The following CCDC47 variants were observed in gnomAD, a reference collection of about 807,000 sequenced individuals.
CCDC47 encodes coiled-coil domain containing 47.
In CCDC47, 41 loss-of-function variants were observed where a neutral mutation model predicts 60.5. The observed-to-expected ratio is 0.68, with a 90% CI of 0.53 to 0.88. The LOEUF is 0.88. Ranked by LOEUF, CCDC47 falls within the 40% of genes least tolerant of loss-of-function variation. CCDC47 has a pLI of 0.00. For missense variants in CCDC47, 513 were observed against 580.9 expected (o/e 0.88, Z 1.20); for synonymous variants, 195 against 190.7 (o/e 1.02, Z -0.18).
At chr17:63,754,367 T>TA (rs2039189301) in intron 9 of CCDC47, 66 bp downstream of exon 9, 2 of 940,764 alleles carry the variant, frequency 2.1e-6, no homozygotes. Flanking sequence ...AGAAGCACCT[T>TA]ACAGGTGTTT....
chr17:63,762,140 A>G (rs1568250334), intron 4 of CCDC47: 1 of 984,686 alleles, frequency 1.0e-6, no homozygotes. Context: ...TTGTATTTTA[A>G]CTCTAGAAAA....
In CCDC47 at chr17:63,752,723, A is replaced by C. The variant is rs1251898254; in HGVS notation, c.1093+18T>G. The C allele has an allele frequency of 1.9e-6, 3 of 1,605,040 alleles. No individual in the cohort carries two copies. In the Admixed American group the frequency reaches 5.2e-5, roughly 28 times the overall value. Reference sequence around the variant, plus strand: ...CTCAGAGAAGACTAAGAACCCAGAAAGGACCCAGAATACTTACCATTAAAT... The same window carrying C: ...CTCAGAGAAGACTAAGAACCCAGAACGGACCCAGAATACTTACCATTAAAT... On this transcript the variant is annotated intron_variant, in intron 10 of 12. Coordinates refer to ENST00000225726, the MANE Select transcript of CCDC47 (RefSeq NM_020198.3).
chr17:63,763,780 C>T lies in CCDC47; in HGVS notation c.547+236G>A, dbSNP rs530442047. 2.3e-3 allele frequency among the ~76,000 whole-genome samples: 345 copies of T among 151,326 alleles called. 2 individuals are homozygous for T. The highest frequency in any genetic ancestry group is 7.4e-3 in the African/African-American group (307 of 41,250). On this transcript the variant is annotated intron_variant, in intron 4 of 12. Transcript: ENST00000225726. The stretch of plus-strand genomic sequence containing the variant: ...TGGAGGTTGCAGTGAGCCGAGATCG[C>T]GCCACTGCACTCCAGCCTGGTGACA...
At position 63,765,697 on chromosome 17, in the gene CCDC47, C is replaced by A. The variant is rs1358072033; in HGVS notation, c.264+215G>T. 5 of 1,372,638 alleles carry A rather than the reference C, an allele frequency of 3.6e-6. No homozygotes were observed. The South Asian group carries it at 8.9e-5, about 25-fold the overall frequency. The allele number at this position is 1,372,638 out of a possible 1,614,324, so 85.0% of individuals were successfully genotyped here. A position where few individuals can be genotyped will look rare whatever the true frequency, so the allele number is the denominator to read the frequency against. The stretch of plus-strand genomic sequence containing the variant: ...CCACAAACAGTATCTATTCTCTAAC[C>A]CCTCTTCCAGTCAGGGTTTCAATAG... On this transcript the variant is annotated intron_variant, in intron 2 of 12. Coordinates refer to ENST00000225726, the MANE Select transcript of CCDC47 (RefSeq NM_020198.3).
intron 9 of CCDC47, chr17:63,753,032 G>A (rs947049994): frequency 1.6e-6 from 1 of 623,848 alleles, no homozygotes; most frequent in African/African-American, 2.0e-5. Flanking sequence ...CACCTCCAGT[G>A]ATGTTCCCTC....
intron 8 of CCDC47, among the ~76,000 whole-genome samples, 168 bp from the exon 9 acceptor site, chr17:63,754,686 G>A (rs1598306364): frequency 6.6e-6 from 1 of 151,962 alleles, no homozygotes; most frequent in Admixed American, 6.6e-5. Context: ...TTTGAGATCA[G>A]CCTGGCCAAC....
intron 4 of CCDC47, chr17:63,762,242 AC>A (rs1314141226): frequency 1.0e-6 from 1 of 985,304 alleles, no homozygotes; most frequent in Non-Finnish European, 1.2e-6. Flanking sequence ...GGACTGATAC[AC>A]CAAATGAAAA....
At chr17:63,765,234 T>A (rs942970623) in intron 2 of CCDC47, among the ~76,000 whole-genome samples, 1 of 152,100 alleles carries the variant, frequency 6.6e-6, no homozygotes, top group East Asian at 1.9e-4. Context: ...CACTATGTTG[T>A]GCACCTTAAA....
intron 1 of CCDC47, chr17:63,767,057 G>C (rs747653399): frequency 5.6e-6 from 2 of 358,044 alleles, no homozygotes; most frequent in Non-Finnish European, 7.8e-6. Context: ...TCTAAGGAAA[G>C]CTGCAACATT....
chr17:63,759,418 G>A (rs2039232061), intron 6 of CCDC47, among the ~76,000 whole-genome samples: 1 of 143,472 alleles, frequency 7.0e-6, no homozygotes, highest in South Asian at 2.3e-4. Flanking sequence ...GAACCCTGGA[G>A]GCGGAGGTTG....
chr17:63,749,706 G>A (rs575459324), intron 12 of CCDC47, among the ~76,000 whole-genome samples: 8 of 151,380 alleles, frequency 5.3e-5, no homozygotes, highest in Non-Finnish European at 1.0e-4. Context: ...CTGAGATCGC[G>A]CCACTGCACT....
chr17:63,771,942 C>T (rs1197248738), intron 1 of CCDC47, among the ~76,000 whole-genome samples: 4 of 151,848 alleles, frequency 2.6e-5, no homozygotes, highest in African/African-American at 4.8e-5. Flanking sequence ...ATTAGCCGGG[C>T]GTGGTGGCAG....
intron 1 of CCDC47, among the ~76,000 whole-genome samples, chr17:63,771,762 T>G (rs2144503048): frequency 6.6e-6 from 1 of 152,288 alleles, no homozygotes; most frequent in East Asian, 1.9e-4. Flanking sequence ...CAGCACATAC[T>G]TTGGTGAAAT....
chr17:63,758,831 T>C (rs985236958), intron 6 of CCDC47, among the ~76,000 whole-genome samples: 2 of 152,142 alleles, frequency 1.3e-5, no homozygotes, highest in African/African-American at 4.8e-5. Flanking sequence ...GAAAACGTTT[T>C]CTGCTCTTCC....
chr17:63,759,504 AAAAAATATATATATATATATATTT>A (rs1904591480), intron 6 of CCDC47, among the ~76,000 whole-genome samples: 1 of 25,824 alleles, frequency 3.9e-5, no homozygotes, highest in Non-Finnish European at 5.7e-5. Context: ...AAAAAAAAAA[AAAAAATATATATATATATATATTT>A]ATATATATAT....
intron 4 of CCDC47, chr17:63,761,689 T>A: frequency 3.9e-6 from 1 of 259,082 alleles, no homozygotes; most frequent in Non-Finnish European, 5.3e-6. Context: ...AGAGCAAGAC[T>A]CTGTCTCAAA....
intron 10 of CCDC47, 111 bp from the exon 11 acceptor site, chr17:63,752,540 T>C: frequency 2.5e-6 from 2 of 798,096 alleles, no homozygotes; most frequent in South Asian, 4.5e-5. Context: ...CTAAGTTTGT[T>C]AGGCAGTTAA....
intron 12 of CCDC47, chr17:63,747,517 T>G (rs2039129887): frequency 1.0e-6 from 1 of 981,032 alleles, no homozygotes; most frequent in East Asian, 1.1e-4. Context: ...TATTTTTATT[T>G]AGGAATTAGG....
At chr17:63,747,002 G>A (rs774254635) in intron 12 of CCDC47, 41 bp from the exon 13 acceptor site, 14 of 1,602,832 alleles carry the variant, frequency 8.7e-6, no homozygotes, top group South Asian at 5.6e-5. Flanking sequence ...AGGGAGTGGG[G>A]ACGAGAGAAT....
Sources: gnomAD v4.1 joint callset for allele counts (sites outside exome capture counted in the v4.1 genomes callset) on GRCh38, gnomAD v4.1.1 for gene constraint, MANE v1.5 for transcripts, NCBI Gene and HGNC (gene_info 2026-07-23, HGNC 2026-07-21) for gene names.